Variants in CNNM2 observed in about 807,000 individuals in gnomAD.
The protein encoded by CNNM2 is metal transporter CNNM2.
CNNM2 carries 12 observed loss-of-function variants against 66.9 expected under a neutral mutation model. The observed-to-expected ratio is 0.18, with a 90% CI of 0.11 to 0.29. The LOEUF (loss-of-function observed/expected upper bound fraction) is 0.29, where lower values mean the gene tolerates loss of function less well. CNNM2 is among the 10% of genes least tolerant of loss of function. The probability of loss-of-function intolerance (pLI) is 1.00; values close to 1 mark genes in which losing one functional copy is unlikely to be tolerated. For missense variants in CNNM2, 705 were observed against 1,167.7 expected, an observed-to-expected ratio of 0.60 and a Z score of 5.77; for synonymous variants, 557 against 501.8, an observed-to-expected ratio of 1.11 and a Z score of -1.47.
intron 1 of CNNM2, among the ~76,000 whole-genome samples, chr10:102,941,956 A>G (rs1236532306): frequency 6.6e-6 from 1 of 152,132 alleles, no homozygotes; most frequent in Non-Finnish European, 1.5e-5. Context: ...ATGTGTTGTG[A>G]TACTAGTACT....
At chr10:102,944,979 GT>G (rs111973848) in intron 1 of CNNM2, among the ~76,000 whole-genome samples, 20 of 140,656 alleles carry the variant, frequency 1.4e-4, no homozygotes, top group East Asian at 1.0e-3. Flanking sequence ...TTTGTTTTTT[GT>G]TTTTTTTTTT....
In CNNM2 at chr10:102,942,692, A is replaced by G. The variant is rs892686530; in HGVS notation, c.1621+22591A>G. Among the ~76,000 whole-genome samples, 5 of 152,344 alleles carry G rather than the reference A, an allele frequency of 3.3e-5. No homozygotes were observed. The South Asian group carries it at 1.0e-3, about 32-fold the overall frequency. On this transcript the variant is annotated intron_variant, in intron 1 of 7. Coordinates refer to ENST00000369878, the MANE Select transcript of CNNM2 (RefSeq NM_017649.5). ...ATATATAACCAGAAGTGGAATTGCTAGGTCATATAGTAATTCTATTCTTAA... is the reference window on the plus strand; with the variant it reads ...ATATATAACCAGAAGTGGAATTGCTGGGTCATATAGTAATTCTATTCTTAA...
chr10:103,036,486 G>C (rs953401194), intron 1 of CNNM2, among the ~76,000 whole-genome samples: 5 of 152,092 alleles, frequency 3.3e-5, no homozygotes, highest in African/African-American at 1.2e-4. Context: ...GAATTACCAG[G>C]GATTGTTAAA....
rs12780843 is a variant in CNNM2, at chr10:103,009,578, G to C, written c.1622-40129G>C. ...TGATGGTGTGTTCCTATAGTCTCAG[G>C]TCCTTGGAAGGCTGAGGCAGGAGGA... On this transcript the variant is annotated intron_variant, in intron 1 of 7. Coordinates refer to ENST00000369878, the MANE Select transcript of CNNM2 (RefSeq NM_017649.5). Among the ~76,000 whole-genome samples the C allele has an allele frequency of 0.41, 61,283 of 149,890 alleles. 12,684 individuals carry two copies. Among genetic ancestry groups the C allele is most frequent in the East Asian group, 0.56 (2,836 of 5,024 alleles).
At chr10:103,016,168 T>C (rs867083717) in intron 1 of CNNM2, among the ~76,000 whole-genome samples, 2 of 151,652 alleles carry the variant, frequency 1.3e-5, no homozygotes, top group South Asian at 4.2e-4. Context: ...TCAGCTATTC[T>C]CCATGGAGCC....
chr10:103,053,377 C>T (rs2065246918), intron 2 of CNNM2, among the ~76,000 whole-genome samples: 1 of 152,058 alleles, frequency 6.6e-6, no homozygotes, highest in Non-Finnish European at 1.5e-5. Context: ...ATTAGCTGGG[C>T]GTGGTGGCAC....
At chr10:102,927,632 G>A (rs1470568343) in intron 1 of CNNM2, 3 of 499,750 alleles carry the variant, frequency 6.0e-6, no homozygotes, top group Admixed American at 7.3e-5. Flanking sequence ...GTGCGTGGTG[G>A]TGGGTGCTTG....
Position 103,054,923 on chromosome 10 carries a change from G to A in CNNM2, c.1903+457G>A, listed in dbSNP as rs888454179. Among the ~76,000 whole-genome samples the A allele has an allele frequency of 1.3e-5, 2 of 152,188 alleles. No homozygotes were observed. Among genetic ancestry groups the A allele is most frequent in the African/African-American group, 4.8e-5 (2 of 41,462 alleles). The stretch of plus-strand genomic sequence containing the variant: ...ACAGTTGGACATCAGTGGTAACACA[G>A]GGGCTGTGATTTGCAAAGAAGAAAA... On this transcript the variant is annotated intron_variant, in intron 3 of 7. Coordinates refer to ENST00000369878, the MANE Select transcript of CNNM2 (RefSeq NM_017649.5). The surrounding 1 kb of genome is among the most constrained non-coding windows in gnomAD (Gnocchi z 5.2).
At chr10:102,983,525 A>G (rs577341681) in intron 1 of CNNM2, among the ~76,000 whole-genome samples, 1 of 151,356 alleles carries the variant, frequency 6.6e-6, no homozygotes, top group African/African-American at 2.4e-5. Context: ...TGCAGCCTTG[A>G]CCTCCCAGGC....
At chr10:103,045,197 T>A (rs183751098) in intron 1 of CNNM2, among the ~76,000 whole-genome samples, 1 of 152,316 alleles carries the variant, frequency 6.6e-6, no homozygotes, top group East Asian at 1.9e-4. Context: ...ACCAAGTGGA[T>A]GAGATGAGAA....
intron 1 of CNNM2, among the ~76,000 whole-genome samples, chr10:103,010,289 G>A (rs2064317140): frequency 6.6e-6 from 1 of 151,506 alleles, no homozygotes; most frequent in Admixed American, 6.6e-5. Context: ...CCAGACTGGA[G>A]TGCAGTGGTG....
At chr10:103,026,391 G>A (rs1158983535) in intron 1 of CNNM2, among the ~76,000 whole-genome samples, 20 of 152,074 alleles carry the variant, frequency 1.3e-4, no homozygotes, top group Non-Finnish European at 7.4e-5. Context: ...CTTGAGCTCA[G>A]GAGTTTGAGA....
chr10:103,088,984 G>A lies in CNNM2; in HGVS notation c.*11804G>A. On this transcript the variant is annotated 3_prime_UTR_variant, in exon 8 of 8. Coordinates refer to ENST00000369878, the MANE Select transcript of CNNM2 (RefSeq NM_017649.5). ...TAGATTTATCACAGATAAGAAGGAGGTTGTTTTTGGATAACAAATAAGCAT... is the reference window on the plus strand; with the variant it reads ...TAGATTTATCACAGATAAGAAGGAGATTGTTTTTGGATAACAAATAAGCAT... 4.8e-6 allele frequency: 1 copy of A among 209,236 alleles called. No individual in the cohort carries two copies. Among genetic ancestry groups the A allele is most frequent in the Non-Finnish European group, 9.7e-6 (1 of 102,820 alleles). 13.0% of individuals were successfully genotyped at this position (209,236 alleles called of 1,614,324 possible). A position where few individuals can be genotyped will look rare whatever the true frequency, so the allele number is the denominator to read the frequency against.
At chr10:103,073,984 A>T (rs1048953792) in intron 6 of CNNM2, among the ~76,000 whole-genome samples, 1 of 151,552 alleles carries the variant, frequency 6.6e-6, no homozygotes, top group Non-Finnish European at 1.5e-5. Context: ...AATCCTTGTC[A>T]GACCTTATAA....
intron 1 of CNNM2, among the ~76,000 whole-genome samples, chr10:102,945,784 C>A (rs2134185004): frequency 6.6e-6 from 1 of 152,284 alleles, no homozygotes; most frequent in South Asian, 2.1e-4. Context: ...CTCTATGTAT[C>A]CATGTTTATC....
At chr10:103,067,703 G>C (rs1339145601) in intron 4 of CNNM2, among the ~76,000 whole-genome samples, 1 of 152,064 alleles carries the variant, frequency 6.6e-6, no homozygotes, top group Non-Finnish European at 1.5e-5. Context: ...GTGGACCCTG[G>C]GGTTCCAGGG....
rs1408292586 is a variant in CNNM2 at position 103,086,612 on chromosome 10, ACTT to A, written c.*9435_*9437del. 1.1e-4 allele frequency: 16 copies of A among 152,244 alleles called. No individual in the cohort carries two copies. The highest frequency in any genetic ancestry group is 3.9e-4 in the African/African-American group (16 of 41,462). 9.4% of individuals were successfully genotyped at this position (152,244 alleles called of 1,614,324 possible). On this transcript the variant is annotated 3_prime_UTR_variant, in exon 8 of 8. Transcript: ENST00000369878. ...AGAAATACCTAAACATGGACAAAAT[ACTT>A]CTAAATCTGACATGCAACTGCATGT...
intron 1 of CNNM2, among the ~76,000 whole-genome samples, chr10:103,022,343 C>G (rs183742387): frequency 6.6e-6 from 1 of 152,244 alleles, no homozygotes; most frequent in East Asian, 1.9e-4. Context: ...GAGGAAGATC[C>G]TATCATACTT....
At position 103,076,107 on chromosome 10, in the gene CNNM2, G is replaced by A. The variant is rs770187293; in HGVS notation, c.2255G>A (p.Arg752His). Residue 752 changes from arginine (R) to histidine (H), a missense_variant, in exon 7 of 8, where the codon CGC (arginine) becomes CAC (histidine). Transcript: ENST00000369878. ...CCAGGTGAAAATAAGTCCCCTCCTC[G>A]CCCATGTGGCTTGAATCACTCAGAC... ...GSPGENKSPP[R>H]PCGLNHSDSL... The A allele has an allele frequency of 7.4e-6, 12 of 1,611,308 alleles. No individual in the cohort carries two copies. The highest frequency in any genetic ancestry group is 4.5e-5 in the East Asian group (2 of 44,818).
Sources: gnomAD v4.1 joint callset for allele counts (sites outside exome capture counted in the v4.1 genomes callset) on GRCh38, gnomAD v4.1.1 for gene constraint, Gnocchi (gnomAD v3.1) non-coding constraint, MANE v1.5 for transcripts, NCBI Gene and HGNC (gene_info 2026-07-23, HGNC 2026-07-21) for gene names.